Variants in RGSL1 observed in about 807,000 individuals in gnomAD.
RGSL1 encodes regulator of G protein signaling protein-like.
A neutral mutation model predicts 124.7 loss-of-function variants in RGSL1; 97 were observed. That is an observed-to-expected ratio of 0.78 (90% CI 0.66 to 0.92). The LOEUF (loss-of-function observed/expected upper bound fraction) is 0.92. Among genes scored for constraint, RGSL1 ranks in the 40% least tolerant of loss-of-function variants. The pLI, the probability that RGSL1 is intolerant of heterozygous loss-of-function variation, is 0.00. For synonymous variants in RGSL1, 424 were observed against 438.1 expected, an observed-to-expected ratio of 0.97 and a Z score of 0.40; for missense variants, 1,233 against 1,288.4, an observed-to-expected ratio of 0.96 and a Z score of 0.66.
intron 4 of RGSL1, among the ~76,000 whole-genome samples, chr1:182,470,972 G>C (rs1248523787): frequency 6.6e-6 from 1 of 152,134 alleles, no homozygotes; most frequent in Non-Finnish European, 1.5e-5. Flanking sequence ...TGTAGGTAAA[G>C]ATGGATTAAA....
intron 9 of RGSL1, among the ~76,000 whole-genome samples, chr1:182,516,586 A>G (rs1308800012): frequency 6.6e-6 from 1 of 152,002 alleles, no homozygotes; most frequent in Non-Finnish European, 1.5e-5. Context: ...AATTTGTTGC[A>G]TTTCATTTTT....
At chr1:182,544,572 T>C (rs1558421558) in intron 15 of RGSL1, among the ~76,000 whole-genome samples, 1 of 145,174 alleles carries the variant, frequency 6.9e-6, no homozygotes, top group Non-Finnish European at 1.5e-5. Flanking sequence ...GGATGATCTG[T>C]CCATTACTAA....
chr1:182,505,108 C>T (rs1656716471), intron 9 of RGSL1, among the ~76,000 whole-genome samples: 1 of 152,122 alleles, frequency 6.6e-6, no homozygotes, highest in South Asian at 2.1e-4. Context: ...AACTGTTGTC[C>T]CTAGGCCCAA....
intron 10 of RGSL1, among the ~76,000 whole-genome samples, chr1:182,522,895 A>G (rs1658452614): frequency 6.6e-6 from 1 of 152,154 alleles, no homozygotes; most frequent in Admixed American, 6.5e-5. Flanking sequence ...ACTATCTATT[A>G]TCTATCTATA....
intron 9 of RGSL1, among the ~76,000 whole-genome samples, chr1:182,520,446 T>C (rs1043264463): frequency 1.3e-5 from 2 of 152,208 alleles, no homozygotes; most frequent in Non-Finnish European, 1.5e-5. Context: ...ATCCAATGTT[T>C]TGCCCATTTT....
chr1:182,490,580 G>C (rs1655445006), intron 8 of RGSL1, among the ~76,000 whole-genome samples: 2 of 152,116 alleles, frequency 1.3e-5, no homozygotes, highest in South Asian at 4.1e-4. Context: ...TCTAAATCCT[G>C]AGGATCTTAG....
Position 182,560,503 on chromosome 1 carries a change from G to C in RGSL1, c.*390G>C, listed in dbSNP as rs1367035123. ...CAAGTGTCATCCGGAGGAGGAGGTGGCCCGTATGTGCAGGACCTCAGGGTG... is the reference window on the plus strand; with the variant it reads ...CAAGTGTCATCCGGAGGAGGAGGTGCCCCGTATGTGCAGGACCTCAGGGTG... On this transcript the variant is annotated 3_prime_UTR_variant, in exon 22 of 22. Transcript: ENST00000294854. 6.6e-6 allele frequency: 1 copy of C among 152,164 alleles called. No homozygotes were observed. The highest frequency in any genetic ancestry group is 1.5e-5 in the Non-Finnish European group (1 of 68,054). 9.4% of individuals were successfully genotyped at this position (152,164 alleles called of 1,614,324 possible).
At position 182,514,502 on chromosome 1, in the gene RGSL1, G is replaced by A. The variant is rs145581717; in HGVS notation, c.1826-7502G>A. ...GGGTCCCATTCAAAAGTAACATCAC[G>A]TCTCTCCAGGAGAGTGCAAATACTT... is the stretch of plus-strand genomic sequence containing the variant. On this transcript the variant is annotated intron_variant, in intron 9 of 21. Transcript: ENST00000294854. Among the ~76,000 whole-genome samples, 67 of 152,218 alleles carry A rather than the reference G, an allele frequency of 4.4e-4. No homozygotes were observed. The East Asian group carries it at 0.012, about 28-fold the overall frequency.
chr1:182,497,436 G>A (rs139335002), intron 9 of RGSL1, among the ~76,000 whole-genome samples: 1,605 of 150,404 alleles, frequency 0.011, 15 homozygotes, highest in Non-Finnish European at 0.017. Context: ...AATAAAAATT[G>A]CTATTTTCTC....
chr1:182,505,809 T>C (rs1174585274), intron 9 of RGSL1, among the ~76,000 whole-genome samples: 2 of 152,122 alleles, frequency 1.3e-5, no homozygotes, highest in Non-Finnish European at 2.9e-5. Context: ...TTTTTAACTT[T>C]GTCTGGCATA....
At chr1:182,507,601 G>A (rs1656915918) in intron 9 of RGSL1, among the ~76,000 whole-genome samples, 1 of 152,104 alleles carries the variant, frequency 6.6e-6, no homozygotes, top group Admixed American at 6.5e-5. Context: ...TTGTGTATAT[G>A]TACCATGTTT....
Position 182,540,419 on chromosome 1 carries a change from G to A in RGSL1, c.2667G>A (p.Glu889=). 1 of 1,549,692 alleles carries A rather than the reference G, an allele frequency of 6.5e-7. No homozygotes were observed. Residue 889 remains glutamate (E), a splice_region_variant and synonymous_variant, in exon 15 of 22, where the codon GAG becomes GAA. Coordinates refer to ENST00000294854, the MANE Select transcript of RGSL1 (RefSeq NM_001137669.2). ...ATCTATATTTCTTTTCTGAAATGGA[G>A]AAGTAAGTTTTCCACTTCTCCTTCT... The part of the protein sequence containing the change: ...INDLYFFSEM[E]KFNDLVSSAH...
At chr1:182,460,471 G>T (rs1319335103) in intron 4 of RGSL1, among the ~76,000 whole-genome samples, 1 of 152,124 alleles carries the variant, frequency 6.6e-6, no homozygotes, top group Non-Finnish European at 1.5e-5. Flanking sequence ...AATGGTGGCC[G>T]CAGAACATAG....
chr1:182,501,599 G>A (rs982346451), intron 9 of RGSL1, among the ~76,000 whole-genome samples: 8 of 151,840 alleles, frequency 5.3e-5, no homozygotes, highest in African/African-American at 1.7e-4. Context: ...GATTACAGAC[G>A]TGAGCCGCTA....
chr1:182,552,812 A>T (rs1463930914), intron 18 of RGSL1, among the ~76,000 whole-genome samples: 1 of 152,198 alleles, frequency 6.6e-6, no homozygotes, highest in Non-Finnish European at 1.5e-5. Context: ...AGAGAATAAG[A>T]GACAGCTGAA....
intron 9 of RGSL1, among the ~76,000 whole-genome samples, chr1:182,499,446 G>T (rs555025513): frequency 6.6e-6 from 1 of 152,122 alleles, no homozygotes; most frequent in South Asian, 2.1e-4. Flanking sequence ...TGTCTTTTTT[G>T]ATTGTTGTTG....
chr1:182,533,387 T>C (rs1659325903), intron 14 of RGSL1, among the ~76,000 whole-genome samples: 1 of 151,404 alleles, frequency 6.6e-6, no homozygotes, highest in African/African-American at 2.4e-5. Flanking sequence ...TGCCATAAAA[T>C]GTCCATTATA....
At chr1:182,474,725 A>T in intron 6 of RGSL1, among the ~76,000 whole-genome samples, 183 bp downstream of exon 6, 1 of 152,168 alleles carries the variant, frequency 6.6e-6, no homozygotes, top group East Asian at 1.9e-4. Flanking sequence ...GCAAATCTGT[A>T]TCAGTCCATG....
At chr1:182,481,700 T>C (rs886347838) in intron 6 of RGSL1, among the ~76,000 whole-genome samples, 3 of 152,158 alleles carry the variant, frequency 2.0e-5, no homozygotes, top group Admixed American at 1.3e-4. Context: ...AATACGAGCA[T>C]GGCCAGGTGC....
Sources: gnomAD v4.1 joint callset for allele counts (sites outside exome capture counted in the v4.1 genomes callset) on GRCh38, gnomAD v4.1.1 for gene constraint, MANE v1.5 for transcripts, NCBI Gene and HGNC (gene_info 2026-07-23, HGNC 2026-07-21) for gene names.